The following DEPTOR variants were observed in gnomAD, a reference collection of about 807,000 sequenced individuals.
DEPTOR encodes the protein DEP domain containing MTOR interacting protein, also known as DEP domain-containing mTOR-interacting protein.
Under a neutral mutation model 41.6 loss-of-function variants are expected in DEPTOR, and 41 were observed. The observed-to-expected ratio is 0.98, with a 90% CI of 0.77 to 1.28. The LOEUF is 1.28. Ranked by LOEUF, DEPTOR falls within the 50% of genes most tolerant of loss-of-function variation. DEPTOR has a pLI of 0.00. For synonymous variants in DEPTOR, 195 were observed against 192.3 expected (o/e 1.01, Z -0.12); for missense variants, 514 against 527.9 (o/e 0.97, Z 0.26).
intron 1 of DEPTOR, among the ~76,000 whole-genome samples, chr8:119,902,887 C>G (rs1190491409): frequency 6.6e-6 from 1 of 151,596 alleles, no homozygotes; most frequent in African/African-American, 2.4e-5. Flanking sequence ...AGGGTCGTGC[C>G]ACTTTGGAAT....
intron 4 of DEPTOR, among the ~76,000 whole-genome samples, chr8:119,997,608 T>C (rs954184841): frequency 1.8e-4 from 28 of 152,148 alleles, no homozygotes; most frequent in African/African-American, 6.5e-4. Flanking sequence ...ACTTTATTCA[T>C]TTGGCCAAAG....
chr8:120,022,958 A>G (rs1425320092), intron 8 of DEPTOR, among the ~76,000 whole-genome samples: 1 of 152,202 alleles, frequency 6.6e-6, no homozygotes, highest in Non-Finnish European at 1.5e-5. Flanking sequence ...GAATTTATCC[A>G]TGACAGTATC....
At chr8:119,918,934 A>AGTGTGTGTGTGTGT (rs139535526) in intron 1 of DEPTOR, among the ~76,000 whole-genome samples, 3 of 115,266 alleles carry the variant, frequency 2.6e-5, no homozygotes, top group Admixed American at 7.7e-5. Context: ...CTATTTGCAT[A>AGTGTGTGTGTGTGT]GTGAGTGTGT....
At chr8:119,941,099 C>A (rs557149672) in intron 3 of DEPTOR, among the ~76,000 whole-genome samples, 2 of 151,872 alleles carry the variant, frequency 1.3e-5, no homozygotes, top group Admixed American at 6.6e-5. Flanking sequence ...TGGGGCTGGG[C>A]GTGGTGGCAG....
At chr8:119,984,591 C>T (rs1007669366) in intron 4 of DEPTOR, among the ~76,000 whole-genome samples, 2 of 152,188 alleles carry the variant, frequency 1.3e-5, no homozygotes, top group African/African-American at 4.8e-5. Flanking sequence ...CTGCAAAGGA[C>T]ATGAACTCAT....
At chr8:119,941,552 T>C (rs1256010900) in intron 3 of DEPTOR, among the ~76,000 whole-genome samples, 1 of 152,154 alleles carries the variant, frequency 6.6e-6, no homozygotes, top group Non-Finnish European at 1.5e-5. Context: ...AAATGATATC[T>C]AAACAGTTGG....
intron 3 of DEPTOR, among the ~76,000 whole-genome samples, chr8:119,940,562 T>G (rs147317741): frequency 0.012 from 1,813 of 151,704 alleles, 36 homozygotes; most frequent in African/African-American, 0.041. Context: ...CCTGGCCAAC[T>G]TGGCAAAACC....
At chr8:120,029,419 G>A (rs562742224) in intron 8 of DEPTOR, among the ~76,000 whole-genome samples, 3 of 151,606 alleles carry the variant, frequency 2.0e-5, no homozygotes, top group Admixed American at 1.3e-4. Context: ...TTATTGAGAC[G>A]GAGTCTCACT....
chr8:119,980,452 T>A (rs1244779679), intron 4 of DEPTOR, among the ~76,000 whole-genome samples: 3 of 141,924 alleles, frequency 2.1e-5, no homozygotes, highest in East Asian at 2.1e-4. Flanking sequence ...TTCATTTTTC[T>A]TTTTTCTTTT....
At chr8:119,888,995 G>C (rs552784777) in intron 1 of DEPTOR, among the ~76,000 whole-genome samples, 2 of 151,906 alleles carry the variant, frequency 1.3e-5, no homozygotes, top group South Asian at 4.2e-4. Flanking sequence ...AAGGGCAAAA[G>C]CACATATTAT....
At position 120,030,497 on chromosome 8, in the gene DEPTOR, GTTTTTTTT is replaced by G. The variant is rs1171655489; in HGVS notation, c.1102-19058_1102-19051del. ...AATGATGTATTGTGTAGGTTCATCAGTTTTTTTTTTTTTTTTTTTTTTTTTTTTAGCTG... is the reference window on the plus strand; with the variant it reads ...AATGATGTATTGTGTAGGTTCATCAGTTTTTTTTTTTTTTTTTTTTAGCTG... On this transcript the variant is annotated intron_variant, in intron 8 of 8. Coordinates refer to ENST00000286234, the MANE Select transcript of DEPTOR (RefSeq NM_022783.4). Among the ~76,000 whole-genome samples, 36 of 46,192 alleles carry G rather than the reference GTTTTTTTT, an allele frequency of 7.8e-4. 1 individual carries two copies. The highest frequency in any genetic ancestry group is 3.6e-3 in the South Asian group (3 of 826). 30.3% of individuals were successfully genotyped at this position (46,192 alleles called of 152,430 possible).
intron 3 of DEPTOR, 133 bp from the exon 4 acceptor site, chr8:119,965,099 T>G (rs1319486590): frequency 2.1e-6 from 2 of 954,728 alleles, no homozygotes; most frequent in African/African-American, 3.3e-5. Flanking sequence ...AAATTACATG[T>G]GTGGTGGCAC....
chr8:119,894,604 G>A (rs1433408867), intron 1 of DEPTOR, among the ~76,000 whole-genome samples: 1 of 151,930 alleles, frequency 6.6e-6, no homozygotes, highest in African/African-American at 2.4e-5. Flanking sequence ...CACTGTGTTA[G>A]CCAGGATGGT....
chr8:119,939,649 G>T (rs752044568), intron 3 of DEPTOR, among the ~76,000 whole-genome samples: 1 of 151,892 alleles, frequency 6.6e-6, no homozygotes, highest in Non-Finnish European at 1.5e-5. Context: ...CATCATGCCC[G>T]GTTTTAGTAG....
intron 8 of DEPTOR, among the ~76,000 whole-genome samples, chr8:120,035,180 C>G (rs1361654692): frequency 6.6e-6 from 1 of 151,972 alleles, no homozygotes; most frequent in African/African-American, 2.4e-5. Context: ...ATTAGCCAGC[C>G]ATGGTGGTGC....
At chr8:119,916,087 A>G (rs1475401728) in intron 1 of DEPTOR, among the ~76,000 whole-genome samples, 1 of 152,100 alleles carries the variant, frequency 6.6e-6, no homozygotes, top group Non-Finnish European at 1.5e-5. Flanking sequence ...ATAAGAAAGT[A>G]AAGGCACTGA....
At chr8:119,896,791 C>T (rs1181680357) in intron 1 of DEPTOR, among the ~76,000 whole-genome samples, 2 of 152,136 alleles carry the variant, frequency 1.3e-5, no homozygotes, top group African/African-American at 2.4e-5. Flanking sequence ...AACCACCGTG[C>T]CCAGCCTTGA....
At chr8:120,045,629 C>A (rs1813143246) in intron 8 of DEPTOR, among the ~76,000 whole-genome samples, 1 of 152,238 alleles carries the variant, frequency 6.6e-6, no homozygotes. Context: ...CCTGCCTTGG[C>A]CTCCCAAAGT....
At chr8:120,037,223 G>T (rs982710624) in intron 8 of DEPTOR, among the ~76,000 whole-genome samples, 5 of 152,132 alleles carry the variant, frequency 3.3e-5, no homozygotes, top group African/African-American at 1.2e-4. Flanking sequence ...TAAACACTGG[G>T]ATTAGTACTT....
Sources: allele counts gnomAD v4.1 joint callset (sites outside exome capture counted in the v4.1 genomes callset), GRCh38; gene constraint gnomAD v4.1.1; transcripts MANE v1.5; gene names NCBI Gene and HGNC (gene_info 2026-07-23, HGNC 2026-07-21).